Variants in FANCG observed in about 807,000 individuals in gnomAD.
The protein encoded by FANCG is Fanconi anemia group G protein.
FANCG carries 67 observed loss-of-function variants against 73.3 expected under a neutral mutation model. The ratio of observed to expected loss-of-function variants is 0.91; its 90% CI spans 0.75 to 1.12. FANCG has a LOEUF of 1.12. Among genes scored for constraint, FANCG ranks in the 50% most tolerant of loss-of-function variants. The pLI is 0.00. For synonymous variants in FANCG, 297 were observed against 311.6 expected (o/e 0.95, Z 0.49); for missense variants, 643 against 735.6 (o/e 0.87, Z 1.46).
chr9:35,077,330 G>A lies in FANCG; in HGVS notation c.580C>T (p.Pro194Ser), dbSNP rs1554670412. 2 of 1,614,130 alleles carry A rather than the reference G, an allele frequency of 1.2e-6. No homozygotes were observed. The highest frequency in any genetic ancestry group is 2.2e-5 in the East Asian group (1 of 44,876). Residue 194 changes from proline to serine, a missense_variant, in exon 5 of 14, where the codon CCA becomes TCA. Physicochemically the swap from Pro to Ser is moderately conservative, Grantham distance 74 (BLOSUM62 -1). Coordinates refer to ENST00000378643, the MANE Select transcript of FANCG (RefSeq NM_004629.2). The stretch of plus-strand genomic sequence containing the variant: ...CCCTGGGCATCCTGCAGGGTCAATG[G>A]AGCATCTAATTCCTCAGCTGGGGGA... ...WSPPAEELDAPLTLQDAQGLK... is the reference protein window; with the variant it reads ...WSPPAEELDASLTLQDAQGLK...
In FANCG at chr9:35,076,431, C is replaced by T. The variant is rs1421529218; in HGVS notation, c.1076+1G>A. 3 of 1,613,882 alleles carry T rather than the reference C, an allele frequency of 1.9e-6. No individual in the cohort carries two copies. The highest frequency in any genetic ancestry group is 1.3e-5 in the African/African-American group (1 of 74,996). On this transcript the variant is annotated splice_donor_variant, in intron 8 of 13. Transcript: ENST00000378643. LOFTEE classifies it high-confidence loss of function. ...GCTCAGGTGAGCAAGGGGAACCTCA[C>T]CTCCCCGTCTGTAGGCACCTGCTTG...
rs17879399 is a variant in FANCG at position 35,078,848 on chromosome 9, C to T, written c.176-112G>A. 2,579 of 1,392,842 alleles carry T rather than the reference C, an allele frequency of 1.9e-3. 37 individuals carry two copies. The African/African-American group carries it at 0.025, about 13-fold the overall frequency. The allele number at this position is 1,392,842 out of a possible 1,614,324, so 86.3% of individuals were successfully genotyped here. A position where few individuals can be genotyped will look rare whatever the true frequency, so the allele number is the denominator to read the frequency against. On this transcript the variant is annotated intron_variant, in intron 2 of 13. Transcript: ENST00000378643. ...ACCAAAACAGCTACAATAAAGAACC[C>T]ACCCTCCAGCCAATTAGCTAAGGAT...
chr9:35,077,132 G>A (rs991384135), intron 5 of FANCG, 31 bp from the exon 6 acceptor site: 7 of 1,614,206 alleles, frequency 4.3e-6, no homozygotes, highest in Non-Finnish European at 5.9e-6. Flanking sequence ...AGCTTGGAGA[G>A]GGCTATAGAG....
Position 35,076,005 on chromosome 9 carries a change from T to A in FANCG, c.1100A>T (p.Tyr367Phe), listed in dbSNP as rs746613002. 8 of 1,614,058 alleles carry A rather than the reference T, an allele frequency of 5.0e-6. No individual in the cohort carries two copies. The highest frequency in any genetic ancestry group is 5.1e-6 in the Non-Finnish European group (6 of 1,180,026). ...CAGCAACAGGGCCAGCAGGTCCAAG[T>A]AATGCTCTGCAGCGTCTCCTGCCCT... ...TGRAGDAAEH[Y>F]LDLLALLLDS... Residue 367 changes from tyrosine to phenylalanine, a missense_variant, in exon 9 of 14, where the codon TAC becomes TTC. Coordinates refer to ENST00000378643, the MANE Select transcript of FANCG (RefSeq NM_004629.2).
intron 7 of FANCG, 54 bp from the exon 8 acceptor site, chr9:35,076,637 T>C (rs758835619): frequency 1.9e-6 from 3 of 1,614,068 alleles, no homozygotes; most frequent in Admixed American, 1.7e-5. Flanking sequence ...CATACTTCCT[T>C]ATACTTGGAT....
Position 35,076,791 on chromosome 9 carries a change from G to A in FANCG, c.857C>T (p.Ala286Val), listed in dbSNP as rs748334033. Residue 286 changes from alanine (A) to valine (V), a missense_variant, in exon 7 of 14, where the codon GCC becomes GTC. Coordinates refer to ENST00000378643, the MANE Select transcript of FANCG (RefSeq NM_004629.2). ...GSAWGPPLLEASRLYQQLGDT... is the reference protein window; with the variant it reads ...GSAWGPPLLEVSRLYQQLGDT... ...CCCCAGTTGCTGATAGAGCCTAGAG[G>A]CCTCCAGAAGTGGAGGACCCCAGGC... 1.9e-6 allele frequency: 3 copies of A among 1,614,160 alleles called. No individual in the cohort carries two copies. Among genetic ancestry groups the A allele is most frequent in the Non-Finnish European group, 2.5e-6 (3 of 1,180,022 alleles).
rs201879745 is a variant in FANCG, at chr9:35,078,805, A to G, written c.176-69T>C. 3.8e-6 allele frequency: 6 copies of G among 1,598,284 alleles called. No homozygotes were observed. In the East Asian group the frequency reaches 1.3e-4, roughly 36 times the overall value. On this transcript the variant is annotated intron_variant, in intron 2 of 13. Coordinates refer to ENST00000378643, the MANE Select transcript of FANCG (RefSeq NM_004629.2). The stretch of plus-strand genomic sequence containing the variant: ...GATCCTCCAAATAAAATCCCAACTC[A>G]GAGATCACCCCACTCCAACCAAAAC...
At position 35,078,776 on chromosome 9, in the gene FANCG, G is replaced by A. The variant is rs763822871; in HGVS notation, c.176-40C>T. The stretch of plus-strand genomic sequence containing the variant: ...TTGGTCTTACAGACTGCTCCCCCAT[G>A]GAAGATCCTCCAAATAAAATCCCAA... On this transcript the variant is annotated intron_variant, in intron 2 of 13. Coordinates refer to ENST00000378643, the MANE Select transcript of FANCG (RefSeq NM_004629.2). The A allele has an allele frequency of 9.3e-6, 15 of 1,613,282 alleles. No individual in the cohort carries two copies. In the Admixed American group the frequency reaches 2.5e-4, roughly 27 times the overall value.
rs775053536 is a variant in FANCG, at chr9:35,079,202, A to G, written c.124T>C (p.Leu42=). 39 of 1,608,898 alleles carry G rather than the reference A, an allele frequency of 2.4e-5. 1 individual carries two copies. The South Asian group carries it at 4.0e-4, about 16-fold the overall frequency. ...AGCCCTTCCAGTGCATCCTGAGCCA[A>G]CTGCTGTCGCCTCAGAGTCAGACCG... ...NSGLTLRRQQ[L]AQDALEGLRG... The change falls in exon 2 of 14, where the codon TTG becomes CTG. Residue 42 remains leucine (L), a synonymous_variant. Coordinates refer to ENST00000378643, the MANE Select transcript of FANCG (RefSeq NM_004629.2).
In FANCG at chr9:35,074,966, C is replaced by T. The variant is rs1472288086; in HGVS notation, c.1597G>A (p.Ala533Thr). 1 of 1,614,222 alleles carries T rather than the reference C, an allele frequency of 6.2e-7. No individual in the cohort carries two copies. The highest frequency in any genetic ancestry group is 1.1e-5 in the South Asian group (1 of 91,086). ...EWVASGQDTK[A>T]LQDFLLSVQM... The stretch of plus-strand genomic sequence containing the variant: ...ACACTGAGGAGGAAGTCCTGTAAGG[C>T]TTTGGTATCCTGGCCGCTGGCTACC... Residue 533 changes from alanine to threonine, a missense_variant, in exon 12 of 14, where the codon GCC becomes ACC. Physicochemically the swap from Ala to Thr is moderately conservative, Grantham distance 58. Transcript: ENST00000378643.
Position 35,078,251 on chromosome 9 carries a change from C to A in FANCG, c.400G>T (p.Glu134Ter). 6.2e-7 allele frequency: 1 copy of A among 1,614,166 alleles called. No homozygotes were observed. The highest frequency in any genetic ancestry group is 8.5e-7 in the Non-Finnish European group (1 of 1,180,032). Residue 134 changes from glutamate to a stop codon, truncating the protein, a stop_gained, in exon 4 of 14, where the codon GAG becomes TAG. Transcript: ENST00000378643. LOFTEE classifies it high-confidence loss of function. Reference sequence around the variant, plus strand: ...AGGCGGTGCAGGGCAGACAGCAGCTCCGGCAGAAGGCAGGAAGCACGAAGG... The same window carrying A: ...AGGCGGTGCAGGGCAGACAGCAGCTACGGCAGAAGGCAGGAAGCACGAAGG... ...SVLRASCLLPELLSALHRLVG... is the reference protein window; with the variant it reads ...SVLRASCLLP
chr9:35,077,953 C>A, intron 4 of FANCG, 188 bp downstream of exon 4: 1 of 650,694 alleles, frequency 1.5e-6, no homozygotes, highest in Non-Finnish European at 2.8e-6. Flanking sequence ...TTAAAAAACA[C>A]TCCTAAGAGA....
At chr9:35,076,605 T>G (rs770187727) in intron 7 of FANCG, 22 bp from the exon 8 acceptor site, 1 of 1,614,092 alleles carries the variant, frequency 6.2e-7, no homozygotes, top group Admixed American at 1.7e-5. Context: ...AGAAAAAAAT[T>G]GTATCTATAA....
rs2131053943 is a variant in FANCG at position 35,075,587 on chromosome 9, A to ATC, written c.1309_1310dup (p.Asp437GlufsTer82). The ATC allele has an allele frequency of 3.1e-6, 5 of 1,614,090 alleles. No homozygotes were observed. The highest frequency in any genetic ancestry group is 3.4e-6 in the Non-Finnish European group (4 of 1,180,026). ...GCAGTTCCTTGGTTCCTTTTCTGGCATCTTCCCACAGCCGGGACATCTTGG... is the reference window on the plus strand; with the variant it reads ...GCAGTTCCTTGGTTCCTTTTCTGGCATCTCTTCCCACAGCCGGGACATCTTGG... On this transcript the variant is annotated frameshift_variant, in exon 10 of 14. Coordinates refer to ENST00000378643, the MANE Select transcript of FANCG (RefSeq NM_004629.2). LOFTEE classifies it high-confidence loss of function.
intron 4 of FANCG, among the ~76,000 whole-genome samples, chr9:35,077,824 G>A (rs2131057865): frequency 1.3e-5 from 2 of 151,826 alleles, no homozygotes; most frequent in Middle Eastern, 3.4e-3. Context: ...GGAGTGCAGT[G>A]GCGTGATCAT....
In FANCG at chr9:35,076,855, C is replaced by G; in HGVS notation, c.793G>C (p.Ala265Pro). Residue 265 changes from alanine to proline, a missense_variant, in exon 7 of 14, where the codon GCA (alanine) becomes CCA (proline). Physicochemically the swap from Ala to Pro is conservative, Grantham distance 27 (BLOSUM62 -1). Coordinates refer to ENST00000378643, the MANE Select transcript of FANCG (RefSeq NM_004629.2). ...CHRKMGNPQR[A>P]LLYLVAALKE... ...AGGGCTGCAACCAAGTACAACAGTG[C>G]TCTCTGTGGATTTCCCTAAAGGGAT... 2 of 1,614,260 alleles carry G rather than the reference C, an allele frequency of 1.2e-6. No individual in the cohort carries two copies. The highest frequency in any genetic ancestry group is 1.7e-6 in the Non-Finnish European group (2 of 1,180,046).
intron 5 of FANCG, 54 bp downstream of exon 5, chr9:35,077,210 T>C (rs542974534): frequency 7.4e-4 from 1,200 of 1,614,014 alleles, no homozygotes; most frequent in Non-Finnish European, 9.0e-4. Flanking sequence ...AGAGAGGGCA[T>C]GAGTCTGGAG....
rs1166011630 is a variant in FANCG, at chr9:35,079,503, C to T, written c.22G>A (p.Val8Met). Reference protein sequence around the residue: MSRQTTSVGSSCLDLWRE... With the variant: MSRQTTSMGSSCLDLWRE... ...CACAGGTCCAGGCAGCTGGAGCCCA[C>T]AGAGGTGGTCTGGCGGGACATGGTG... Residue 8 changes from valine to methionine, a missense_variant, in exon 1 of 14, where the codon GTG (valine) becomes ATG (methionine). Physicochemically the swap from Val to Met is conservative, Grantham distance 21. Transcript: ENST00000378643. The T allele has an allele frequency of 6.2e-7, 1 of 1,614,138 alleles. No individual in the cohort carries two copies. The highest frequency in any genetic ancestry group is 1.1e-5 in the South Asian group (1 of 91,084).
At position 35,078,204 on chromosome 9, in the gene FANCG, G is replaced by C. The variant is rs1463515618; in HGVS notation, c.447C>G (p.Leu149=). 3 of 1,614,086 alleles carry C rather than the reference G, an allele frequency of 1.9e-6. No individual in the cohort carries two copies. Among genetic ancestry groups the C allele is most frequent in the African/African-American group, 1.3e-5 (1 of 74,956 alleles). ...CCCCAAGACGGTCAGCACTCAACCA[G>C]AGGGCAGCCTGCAGGCCAACCAGGC... ...LHRLVGLQAA[L]WLSADRLGDL... is the part of the protein sequence containing the mutation. The change falls in exon 4 of 14, where the codon CTC becomes CTG. Residue 149 remains leucine (L), a synonymous_variant. Transcript: ENST00000378643.
Sources: allele counts gnomAD v4.1 joint callset (sites outside exome capture counted in the v4.1 genomes callset), GRCh38; gene constraint gnomAD v4.1.1; transcripts MANE v1.5; gene names NCBI Gene and HGNC (gene_info 2026-07-23, HGNC 2026-07-21).